Variants in NDUFA10 observed in about 807,000 individuals in gnomAD.
NDUFA10 encodes NADH dehydrogenase [ubiquinone] 1 alpha subcomplex subunit 10, mitochondrial.
In NDUFA10, 40 loss-of-function variants were observed where a neutral mutation model predicts 47.8. That is an observed-to-expected ratio of 0.84 (90% CI 0.65 to 1.09). NDUFA10 has a LOEUF of 1.09. Ranked by LOEUF, NDUFA10 falls within the 50% of genes least tolerant of loss-of-function variation. The pLI is 0.00. For synonymous variants in NDUFA10, 183 were observed against 172.2 expected (o/e 1.06, Z -0.49); for missense variants, 413 against 451.1 (o/e 0.92, Z 0.76).
intron 9 of NDUFA10, among the ~76,000 whole-genome samples, chr2:239,969,245 T>C (rs1239882400): frequency 6.6e-6 from 1 of 152,156 alleles, no homozygotes; most frequent in African/African-American, 2.4e-5. Context: ...CAGTATGCTC[T>C]AAGAATTAAA....
chr2:239,967,886 C>T (rs1695140535), intron 9 of NDUFA10, among the ~76,000 whole-genome samples: 1 of 152,130 alleles, frequency 6.6e-6, no homozygotes, highest in Admixed American at 6.5e-5. Context: ...AGGTTTCTCC[C>T]AGGCTCTTCT....
At chr2:240,014,949 T>G (rs897661458) in intron 4 of NDUFA10, 89 bp from the exon 5 acceptor site, 1 of 1,570,912 alleles carries the variant, frequency 6.4e-7, no homozygotes, top group African/African-American at 1.4e-5. Flanking sequence ...AGGGCAAACA[T>G]ACACGCAATT....
chr2:239,995,720 A>G (rs1696445631), intron 8 of NDUFA10, among the ~76,000 whole-genome samples: 1 of 152,190 alleles, frequency 6.6e-6, no homozygotes, highest in African/African-American at 2.4e-5. Flanking sequence ...CAAGAAAACT[A>G]AAGACTCGAG....
intron 4 of NDUFA10, among the ~76,000 whole-genome samples, chr2:239,921,619 T>C (rs1014053881): frequency 2.7e-5 from 4 of 150,558 alleles, no homozygotes; most frequent in African/African-American, 9.7e-5. Context: ...GGTGTGTTTT[T>C]ACAGAGCACT....
chr2:239,934,711 C>G (rs559081261), intron 4 of NDUFA10, among the ~76,000 whole-genome samples: 2 of 152,300 alleles, frequency 1.3e-5, no homozygotes, highest in East Asian at 3.9e-4. Context: ...CTGTCAGCTG[C>G]GATTGTCTGT....
At chr2:239,973,790 G>A (rs1296796016) in intron 9 of NDUFA10, 15 of 350,038 alleles carry the variant, frequency 4.3e-5, no homozygotes, top group Non-Finnish European at 8.1e-5. Flanking sequence ...CACACATTCA[G>A]TATTTTCATG....
intron 4 of NDUFA10, among the ~76,000 whole-genome samples, chr2:239,938,733 C>T (rs116251368): frequency 2.0e-5 from 3 of 152,200 alleles, no homozygotes; most frequent in Admixed American, 2.0e-4. Flanking sequence ...TAAACGGGGG[C>T]GGCTAGGAAA....
intron 4 of NDUFA10, among the ~76,000 whole-genome samples, chr2:239,905,857 GA>G (rs1693645810): frequency 7.9e-6 from 1 of 127,384 alleles, no homozygotes; most frequent in Admixed American, 7.7e-5. Context: ...GAGGGGAGGG[GA>G]GGGGAGCAGC....
At chr2:239,900,252 C>T (rs1160029306) in intron 4 of NDUFA10, among the ~76,000 whole-genome samples, 1 of 123,994 alleles carries the variant, frequency 8.1e-6, no homozygotes, top group Admixed American at 8.3e-5. Flanking sequence ...AGCTTGCAGA[C>T]AGACTATTGT....
chr2:239,966,802 A>T (rs1695082359), intron 9 of NDUFA10, among the ~76,000 whole-genome samples: 2 of 151,820 alleles, frequency 1.3e-5, no homozygotes, highest in Non-Finnish European at 2.9e-5. Context: ...GGAACAAAGA[A>T]GGAACATCTC....
chr2:239,915,521 A>C (rs1693849420), intron 4 of NDUFA10, among the ~76,000 whole-genome samples: 1 of 120,920 alleles, frequency 8.3e-6, no homozygotes, highest in Non-Finnish European at 1.8e-5. Flanking sequence ...AGACACACAC[A>C]GACAGATACA....
chr2:239,937,301 C>T (rs1694280864), intron 4 of NDUFA10, among the ~76,000 whole-genome samples: 1 of 152,214 alleles, frequency 6.6e-6, no homozygotes, highest in Non-Finnish European at 1.5e-5. Context: ...TGCGTAACTA[C>T]TGCGGTATGA....
chr2:239,932,205 G>A (rs1397345358), intron 4 of NDUFA10, among the ~76,000 whole-genome samples: 12 of 151,846 alleles, frequency 7.9e-5, no homozygotes, highest in South Asian at 2.1e-4. Context: ...TATATTTTGC[G>A]AAAAAATGGG....
At chr2:239,931,540 G>A (rs1226231786) in intron 4 of NDUFA10, among the ~76,000 whole-genome samples, 1 of 152,052 alleles carries the variant, frequency 6.6e-6, no homozygotes, top group Non-Finnish European at 1.5e-5. Flanking sequence ...GGGTCTCCTC[G>A]CCACAGCGTC....
In NDUFA10 at chr2:239,958,125, C is replaced by A. The variant is rs1694711720; in HGVS notation, c.*2993G>T. 1 of 152,316 alleles carries A rather than the reference C, an allele frequency of 6.6e-6. No individual in the cohort carries two copies. Among genetic ancestry groups the A allele is most frequent in the African/African-American group, 2.4e-5 (1 of 41,566 alleles). The allele number at this position is 152,316 out of a possible 1,614,324, so 9.4% of individuals were successfully genotyped here. On this transcript the variant is annotated 3_prime_UTR_variant, in exon 10 of 10. Coordinates refer to ENST00000252711, the MANE Select transcript of NDUFA10 (RefSeq NM_004544.4). ...CTTCCATTCATGGAATTCTGGCCAG[C>A]CAGTGGCTGATGCCTACACAAGCTT... is the stretch of plus-strand genomic sequence containing the variant.
At chr2:240,025,164 T>TGGCCCCCCCC in intron 1 of NDUFA10, 63 bp downstream of exon 1, 2 of 594,910 alleles carry the variant, frequency 3.4e-6, no homozygotes, top group Non-Finnish European at 2.7e-6. Flanking sequence ...GTGGAACTGC[T>TGGCCCCCCCC]CCCCACCCCG....
Position 239,928,285 on chromosome 2 carries a change from C to G in NDUFA10, c.295-32971G>C, listed in dbSNP as rs532698948. 1.1e-4 allele frequency among the ~76,000 whole-genome samples: 16 copies of G among 152,258 alleles called. No homozygotes were observed. Among genetic ancestry groups the G allele is most frequent in the African/African-American group, 3.8e-4 (16 of 41,562 alleles). On this transcript the variant is annotated intron_variant, in intron 4 of 5. Coordinates refer to the NDUFA10 transcript ENST00000419408. This position sits in a 1 kb window ranked among gnomAD's most constrained non-coding sequence, Gnocchi z 4.3. ...CAGAAGAAAATGTATACCTCAACTG[C>G]TTTCATGTTTTCCAAGAAATAAAGG...
chr2:239,979,003 T>C (rs1302880514), intron 9 of NDUFA10, among the ~76,000 whole-genome samples: 4 of 152,310 alleles, frequency 2.6e-5, no homozygotes, highest in African/African-American at 9.6e-5. Flanking sequence ...TTTGTTTCAA[T>C]ATATAAGCTC....
At chr2:240,007,706 G>A (rs1696998889) in intron 6 of NDUFA10, among the ~76,000 whole-genome samples, 1 of 152,232 alleles carries the variant, frequency 6.6e-6, no homozygotes, top group Non-Finnish European at 1.5e-5. Context: ...CATGTCAGCA[G>A]CTGCACATAC....
Sources: allele counts gnomAD v4.1 joint callset (sites outside exome capture counted in the v4.1 genomes callset), GRCh38; gene constraint gnomAD v4.1.1; non-coding constraint Gnocchi (gnomAD v3.1); transcripts MANE v1.5; gene names NCBI Gene and HGNC (gene_info 2026-07-23, HGNC 2026-07-21).